Variants in ACVR1C observed in about 807,000 individuals in gnomAD.
ACVR1C encodes the protein activin receptor type-1C.
Under a neutral mutation model 57.9 loss-of-function variants are expected in ACVR1C, and 23 were observed. The observed-to-expected ratio is 0.40, with a 90% CI of 0.29 to 0.56. The LOEUF (loss-of-function observed/expected upper bound fraction) is 0.56. Among genes scored for constraint, ACVR1C ranks in the 20% least tolerant of loss-of-function variants. The pLI, the probability that ACVR1C is intolerant of heterozygous loss-of-function variation, is 0.50. For missense variants in ACVR1C, 480 were observed against 607.9 expected (o/e 0.79, Z 2.21); for synonymous variants, 214 against 215.3 (o/e 0.99, Z 0.05).
chr2:157,590,798 G>T (rs1689041857), intron 1 of ACVR1C, among the ~76,000 whole-genome samples: 1 of 151,888 alleles, frequency 6.6e-6, no homozygotes, highest in Non-Finnish European at 1.5e-5. Context: ...ATTCATCTAG[G>T]TTTCTACTGA....
intron 1 of ACVR1C, chr2:157,597,620 G>C: frequency 2.1e-6 from 2 of 964,222 alleles, no homozygotes; most frequent in South Asian, 4.8e-5. Flanking sequence ...AGTGGCAGCA[G>C]AAGCAGGAGG....
At chr2:157,553,608 T>C (rs1246794787) in intron 3 of ACVR1C, among the ~76,000 whole-genome samples, 1 of 152,190 alleles carries the variant, frequency 6.6e-6, no homozygotes, top group East Asian at 1.9e-4. Flanking sequence ...AGGAAAATCT[T>C]TGGTTATCTT....
intron 1 of ACVR1C, among the ~76,000 whole-genome samples, chr2:157,598,975 T>C (rs1237939983): frequency 6.6e-6 from 1 of 151,996 alleles, no homozygotes; most frequent in Non-Finnish European, 1.5e-5. Flanking sequence ...AAATGTTGTC[T>C]CAAGTGGAAG....
intron 1 of ACVR1C, among the ~76,000 whole-genome samples, chr2:157,621,525 C>T (rs529063040): frequency 1.3e-5 from 2 of 152,224 alleles, no homozygotes; most frequent in South Asian, 4.1e-4. Flanking sequence ...TTTAGGGATC[C>T]AGCTTTCAAA....
chr2:157,564,744 G>T (rs1323501333), intron 2 of ACVR1C, among the ~76,000 whole-genome samples: 1 of 151,914 alleles, frequency 6.6e-6, no homozygotes, highest in East Asian at 1.9e-4. Context: ...AGAAAATGTT[G>T]TACATCTACA....
At chr2:157,596,749 T>C (rs1682128913) in intron 1 of ACVR1C, among the ~76,000 whole-genome samples, 1 of 152,248 alleles carries the variant, frequency 6.6e-6, no homozygotes. Flanking sequence ...AATTACTTTA[T>C]GGCAAGTCTT....
chr2:157,607,065 G>A (rs1056701837), intron 1 of ACVR1C, among the ~76,000 whole-genome samples: 1 of 151,802 alleles, frequency 6.6e-6, no homozygotes, highest in African/African-American at 2.4e-5. Flanking sequence ...TCATTAAAAA[G>A]GGTGTCTTTT....
At chr2:157,534,662 C>A (rs565091443) in intron 8 of ACVR1C, among the ~76,000 whole-genome samples, 22 of 152,166 alleles carry the variant, frequency 1.4e-4, no homozygotes, top group African/African-American at 5.1e-4. Flanking sequence ...AAATCCTGGA[C>A]TTTAAAAATG....
chr2:157,555,182 A>C (rs571117462), intron 3 of ACVR1C, among the ~76,000 whole-genome samples: 1 of 131,360 alleles, frequency 7.6e-6, no homozygotes, highest in Admixed American at 9.1e-5. Flanking sequence ...GCAGTGGCGC[A>C]ATCTCGGCTC....
intron 3 of ACVR1C, among the ~76,000 whole-genome samples, chr2:157,554,607 T>C (rs1033034910): frequency 4.6e-5 from 7 of 152,334 alleles, no homozygotes; most frequent in East Asian, 1.9e-4. Context: ...CAGGTGATTT[T>C]GCCCCAGAAG....
Position 157,531,187 on chromosome 2 carries a change from C to T in ACVR1C, c.*2731G>A, listed in dbSNP as rs1020342143. On this transcript the variant is annotated 3_prime_UTR_variant, in exon 9 of 9. Transcript: ENST00000243349. The stretch of plus-strand genomic sequence containing the variant: ...GTATATACAAGAAGCCTGCCTTATG[C>T]TCTAAACTTCATCATCCTATTTTTG... 6.6e-6 allele frequency: 1 copy of T among 151,886 alleles called. No individual in the cohort carries two copies. Among genetic ancestry groups the T allele is most frequent in the Admixed American group, 6.6e-5 (1 of 15,204 alleles). 9.4% of individuals were successfully genotyped at this position (151,886 alleles called of 1,614,324 possible).
intron 1 of ACVR1C, among the ~76,000 whole-genome samples, chr2:157,589,599 T>C (rs577615961): frequency 4.5e-4 from 69 of 152,118 alleles, no homozygotes; most frequent in African/African-American, 1.4e-3. Flanking sequence ...AAAATGACCA[T>C]GCTGCTCAAA....
intron 1 of ACVR1C, among the ~76,000 whole-genome samples, chr2:157,597,766 C>T (rs1573945834): frequency 6.6e-6 from 1 of 152,100 alleles, no homozygotes; most frequent in African/African-American, 2.4e-5. Flanking sequence ...AAATAAAATG[C>T]CTTGTCTAGA....
chr2:157,626,985 T>C (rs564630700), intron 1 of ACVR1C, among the ~76,000 whole-genome samples: 5 of 152,290 alleles, frequency 3.3e-5, no homozygotes, highest in Admixed American at 1.3e-4. Flanking sequence ...TTTCCATGCC[T>C]TTTCAAGAAC....
Position 157,552,765 on chromosome 2 carries a change from C to G in ACVR1C, c.545-2373G>C, listed in dbSNP as rs546519289. Among the ~76,000 whole-genome samples, 6 of 152,304 alleles carry G rather than the reference C, an allele frequency of 3.9e-5. No homozygotes were observed. In the South Asian group the frequency reaches 1.2e-3, roughly 32 times the overall value. On this transcript the variant is annotated intron_variant, in intron 3 of 8. Transcript: ENST00000243349. ...GCAATTAAATTGAGACATTAAAACT[C>G]AATAAAATTTGCTTTGGTATCTTTC... is the stretch of plus-strand genomic sequence containing the variant.
chr2:157,597,338 G>C, intron 1 of ACVR1C: 2 of 985,466 alleles, frequency 2.0e-6, no homozygotes, highest in Non-Finnish European at 2.4e-6. Flanking sequence ...ACCCCGGCCC[G>C]CCCCCGGGGA....
intron 7 of ACVR1C, among the ~76,000 whole-genome samples, chr2:157,538,957 TA>T (rs1226617885): frequency 1.3e-5 from 2 of 148,604 alleles, no homozygotes; most frequent in African/African-American, 4.9e-5. Flanking sequence ...TATATAAAAT[TA>T]TAATATATAA....
intron 2 of ACVR1C, among the ~76,000 whole-genome samples, chr2:157,574,057 G>C (rs1001177710): frequency 1.7e-4 from 26 of 152,094 alleles, no homozygotes; most frequent in Non-Finnish European, 3.5e-4. Context: ...ATTCAGCTTC[G>C]GCCAACTGAT....
At position 157,532,114 on chromosome 2, in the gene ACVR1C, C is replaced by G. The variant is rs539078206; in HGVS notation, c.*1804G>C. 1 of 152,178 alleles carries G rather than the reference C, an allele frequency of 6.6e-6. No individual in the cohort carries two copies. The highest frequency in any genetic ancestry group is 1.9e-4 in the East Asian group (1 of 5,184). The allele number at this position is 152,178 out of a possible 1,614,324, so 9.4% of individuals were successfully genotyped here. A position where few individuals can be genotyped will look rare whatever the true frequency, so the allele number is the denominator to read the frequency against. The stretch of plus-strand genomic sequence containing the variant: ...CAGTTTTTTGCCTTCCTTATTTCAA[C>G]TCAGTAAAATGAAGATAGATTCAGT... On this transcript the variant is annotated 3_prime_UTR_variant, in exon 9 of 9. Coordinates refer to ENST00000243349, the MANE Select transcript of ACVR1C (RefSeq NM_145259.3).
Sources: gnomAD v4.1 joint callset for allele counts (sites outside exome capture counted in the v4.1 genomes callset) on GRCh38, gnomAD v4.1.1 for gene constraint, MANE v1.5 for transcripts, NCBI Gene and HGNC (gene_info 2026-07-23, HGNC 2026-07-21) for gene names.